The following KDM2B variants were observed in gnomAD, a reference collection of about 807,000 sequenced individuals.
The protein encoded by KDM2B is lysine-specific demethylase 2B.
A neutral mutation model predicts 150.0 loss-of-function variants in KDM2B; 26 were observed. That is an observed-to-expected ratio of 0.17 (90% confidence interval 0.13 to 0.24). KDM2B has a LOEUF of 0.24. Ranked by LOEUF, KDM2B falls within the 10% of genes least tolerant of loss-of-function variation. The pLI is 1.00. For missense variants in KDM2B, 1,265 were observed against 1,816.9 expected, an observed-to-expected ratio of 0.70 and a Z score of 5.52; for synonymous variants, 734 against 729.5, an observed-to-expected ratio of 1.01 and a Z score of -0.10.
chr12:121,543,512 T>TA (rs1337504962), intron 6 of KDM2B, among the ~76,000 whole-genome samples: 2 of 151,060 alleles, frequency 1.3e-5, no homozygotes, highest in East Asian at 2.0e-4. Flanking sequence ...TCTACAAATT[T>TA]AAAAAAAAAT....
In KDM2B at chr12:121,554,033, CCACACACACACACACACACACA is replaced by C. The variant is rs56659514; in HGVS notation, c.398-4417_398-4396del. ...TGGGTAATATAGTGACACCCCAGCT[CCACACACACACACACACACACA>C]CACACACACACACACACACACACAC... On this transcript the variant is annotated intron_variant, in intron 4 of 22. Coordinates refer to ENST00000377071, the MANE Select transcript of KDM2B (RefSeq NM_032590.5). Among the ~76,000 whole-genome samples the C allele has an allele frequency of 1.6e-3, 199 of 122,138 alleles. 4 individuals are homozygous for C. The highest frequency in any genetic ancestry group is 7.9e-4 in the Non-Finnish European group (47 of 59,324). The allele number at this position is 122,138 out of a possible 152,430, so 80.1% of individuals were successfully genotyped here.
intron 4 of KDM2B, among the ~76,000 whole-genome samples, chr12:121,556,302 G>A (rs554385815): frequency 6.6e-6 from 1 of 151,870 alleles, no homozygotes; most frequent in Non-Finnish European, 1.5e-5. Flanking sequence ...GCTCACTGTA[G>A]CCTCAAACTC....
the KDM2B span, chr12:121,416,139 G>C: frequency 6.2e-7 from 1 of 1,605,584 alleles, no homozygotes; most frequent in South Asian, 1.1e-5. Flanking sequence ...TTAAACTGTG[G>C]GATTTGTGTT....
At chr12:121,516,759 G>T in intron 9 of KDM2B, 1 of 654,834 alleles carries the variant, frequency 1.5e-6, no homozygotes, top group Non-Finnish European at 2.7e-6. Flanking sequence ...CTCAGGAGAT[G>T]ACAACAAAAG....
intron 12 of KDM2B, among the ~76,000 whole-genome samples, chr12:121,474,232 G>A (rs1160695791): frequency 6.6e-6 from 1 of 152,096 alleles, no homozygotes; most frequent in Non-Finnish European, 1.5e-5. Flanking sequence ...GGTTAGGTAC[G>A]GCCGGGCACG....
intron 12 of KDM2B, among the ~76,000 whole-genome samples, chr12:121,456,065 C>G (rs1878190715): frequency 1.3e-5 from 2 of 152,242 alleles, no homozygotes; most frequent in African/African-American, 4.8e-5. Flanking sequence ...GATGATATTA[C>G]CTAACTTTCC....
intron 8 of KDM2B, among the ~76,000 whole-genome samples, chr12:121,528,019 C>A (rs765358759): frequency 3.9e-5 from 6 of 152,164 alleles, no homozygotes; most frequent in Non-Finnish European, 8.8e-5. Context: ...TCCAGCTTTC[C>A]TTACTGATAA....
At chr12:121,516,594 C>CA in intron 9 of KDM2B, 2 of 1,250,872 alleles carry the variant, frequency 1.6e-6, no homozygotes, top group East Asian at 2.6e-5. Flanking sequence ...TTGAGTTAAC[C>CA]AACGTCAGTC....
intron 11 of KDM2B, among the ~76,000 whole-genome samples, chr12:121,494,876 A>C (rs1883745123): frequency 6.6e-6 from 1 of 152,174 alleles, no homozygotes; most frequent in Non-Finnish European, 1.5e-5. Context: ...TGCCCTCTAC[A>C]AAATTTCTTT....
At chr12:121,450,630 C>A (rs1475991296) in intron 13 of KDM2B, among the ~76,000 whole-genome samples, 1 of 152,056 alleles carries the variant, frequency 6.6e-6, no homozygotes, top group Non-Finnish European at 1.5e-5. Context: ...GAGGCCGAGG[C>A]GGGTGGATCA....
intron 12 of KDM2B, among the ~76,000 whole-genome samples, chr12:121,457,735 A>AACATAC (rs1555293072): frequency 2.7e-5 from 3 of 113,132 alleles, no homozygotes; most frequent in South Asian, 3.3e-4. Context: ...GAAGATCGGA[A>AACATAC]ACATACACAC....
At chr12:121,416,792 A>G in the KDM2B span, among the ~76,000 whole-genome samples, 1 of 152,364 alleles carries the variant, frequency 6.6e-6, no homozygotes, top group South Asian at 2.1e-4. Context: ...TTAGAGATTC[A>G]ACATCAAATA....
chr12:121,539,361 A>G (rs947183628), intron 6 of KDM2B, among the ~76,000 whole-genome samples: 5 of 150,350 alleles, frequency 3.3e-5, no homozygotes, highest in Admixed American at 2.0e-4. Context: ...AAAAAGAAAG[A>G]AAAGGATGTG....
At chr12:121,495,787 T>C (rs1883872884) in intron 11 of KDM2B, among the ~76,000 whole-genome samples, 1 of 152,164 alleles carries the variant, frequency 6.6e-6, no homozygotes, top group Non-Finnish European at 1.5e-5. Flanking sequence ...TGTGACGACG[T>C]GTAAATGTTT....
At position 121,551,019 on chromosome 12, in the gene KDM2B, CA is replaced by C. The variant is rs537315512; in HGVS notation, c.398-1382del. Among the ~76,000 whole-genome samples the C allele has an allele frequency of 4.7e-3, 718 of 152,200 alleles. 7 individuals carry two copies. Among genetic ancestry groups the C allele is most frequent in the African/African-American group, 0.016 (676 of 41,522 alleles). On this transcript the variant is annotated intron_variant, in intron 4 of 22. Coordinates refer to ENST00000377071, the MANE Select transcript of KDM2B (RefSeq NM_032590.5). Reference sequence around the variant, plus strand: ...CGACAATGGCAGAGCTAAGTAGTTGCAACAGACCAAATGGCCTGAAAACCCG... The same window carrying C: ...CGACAATGGCAGAGCTAAGTAGTTGCACAGACCAAATGGCCTGAAAACCCG...
chr12:121,408,744 A>G, the KDM2B span, among the ~76,000 whole-genome samples: 2 of 152,334 alleles, frequency 1.3e-5, no homozygotes, highest in South Asian at 4.1e-4. Context: ...ACTTTGAACA[A>G]TGGCTGCTTT....
chr12:121,574,474 G>A (rs1891354363), intron 4 of KDM2B, 73 bp downstream of exon 4: 2 of 1,423,248 alleles, frequency 1.4e-6, no homozygotes, highest in Non-Finnish European at 9.9e-7. Flanking sequence ...AGTCTAAATG[G>A]GCAGGTGGTG....
At chr12:121,550,991 G>A (rs182765671) in intron 4 of KDM2B, among the ~76,000 whole-genome samples, 2 of 152,186 alleles carry the variant, frequency 1.3e-5, no homozygotes, top group East Asian at 1.9e-4. Context: ...GGCTGGCTCC[G>A]TGCGACAATG....
the KDM2B span, chr12:121,415,332 AT>A: frequency 2.7e-6 from 1 of 374,976 alleles, no homozygotes; most frequent in South Asian, 1.9e-5. Context: ...AGTAATTTAA[AT>A]TTATGGGCCT....
Sources: allele counts gnomAD v4.1 joint callset (sites outside exome capture counted in the v4.1 genomes callset), GRCh38; gene constraint gnomAD v4.1.1; transcripts MANE v1.5; gene names NCBI Gene and HGNC (gene_info 2026-07-23, HGNC 2026-07-21).